VPS8: variants seen among roughly 807,000 people sequenced by gnomAD.
The protein encoded by VPS8 is vacuolar protein sorting-associated protein 8 homolog.
VPS8 carries 129 observed loss-of-function variants against 216.4 expected under a neutral mutation model. That is an observed-to-expected ratio of 0.60 (90% confidence interval 0.52 to 0.69). The LOEUF is 0.69. VPS8 is among the 30% of genes least tolerant of loss of function. VPS8 has a pLI of 0.00. For synonymous variants in VPS8, 571 were observed against 565.4 expected (o/e 1.01, Z -0.14); for missense variants, 1,531 against 1,683.5 (o/e 0.91, Z 1.59).
At chr3:184,881,803 G>T (rs1158972852) in intron 21 of VPS8, among the ~76,000 whole-genome samples, 2 of 151,836 alleles carry the variant, frequency 1.3e-5, no homozygotes, top group Non-Finnish European at 2.9e-5. Flanking sequence ...TAGTATACAG[G>T]TGCTATACAT....
At chr3:184,983,351 C>G (rs1272827427) in intron 42 of VPS8, among the ~76,000 whole-genome samples, 1 of 152,088 alleles carries the variant, frequency 6.6e-6, no homozygotes, top group African/African-American at 2.4e-5. Context: ...TTCCCTGTTG[C>G]CTTGGGATTC....
chr3:184,892,193 A>T (rs1732469576), intron 22 of VPS8, among the ~76,000 whole-genome samples: 1 of 152,130 alleles, frequency 6.6e-6, no homozygotes, highest in Non-Finnish European at 1.5e-5. Context: ...AGAAAAAAAT[A>T]TGAGAGCTAC....
chr3:184,833,867 A>G (rs1176191394), intron 4 of VPS8, among the ~76,000 whole-genome samples: 1 of 152,170 alleles, frequency 6.6e-6, no homozygotes, highest in Non-Finnish European at 1.5e-5. Flanking sequence ...CTTCATTTGC[A>G]TTTATATGGC....
At chr3:184,998,823 G>A (rs1261959982) in intron 44 of VPS8, among the ~76,000 whole-genome samples, 1 of 151,852 alleles carries the variant, frequency 6.6e-6, no homozygotes, top group Non-Finnish European at 1.5e-5. Context: ...CTTGAATTTG[G>A]TGAGCAGACC....
At chr3:185,046,230 T>TG (rs1257134822) in intron 46 of VPS8, among the ~76,000 whole-genome samples, 2 of 152,232 alleles carry the variant, frequency 1.3e-5, no homozygotes, top group African/African-American at 4.8e-5. Flanking sequence ...TGTTCATATT[T>TG]GGTTGCTTCC....
chr3:184,998,144 C>T (rs1307811971), intron 44 of VPS8, among the ~76,000 whole-genome samples: 1 of 152,122 alleles, frequency 6.6e-6, no homozygotes. Flanking sequence ...AAGTCTAACT[C>T]ATTTTTATAA....
chr3:184,936,857 C>T (rs986346189), intron 35 of VPS8, among the ~76,000 whole-genome samples: 7 of 151,968 alleles, frequency 4.6e-5, no homozygotes, highest in Non-Finnish European at 8.8e-5. Context: ...CCTGCCTCAG[C>T]CTCCTGAGTA....
intron 2 of VPS8, among the ~76,000 whole-genome samples, chr3:184,825,911 A>G (rs1560273542): frequency 6.6e-6 from 1 of 152,152 alleles, no homozygotes; most frequent in Non-Finnish European, 1.5e-5. Flanking sequence ...AAAAAAAAAA[A>G]AAAAGTGTTC....
chr3:185,018,991 A>G (rs1756243300), intron 45 of VPS8, among the ~76,000 whole-genome samples: 1 of 152,124 alleles, frequency 6.6e-6, no homozygotes, highest in South Asian at 2.1e-4. Flanking sequence ...GGTACGGATG[A>G]ACCTTATCCT....
At chr3:184,842,712 T>C (rs1298597630) in intron 7 of VPS8, among the ~76,000 whole-genome samples, 2 of 152,176 alleles carry the variant, frequency 1.3e-5, no homozygotes, top group Non-Finnish European at 2.9e-5. Flanking sequence ...GCTATACTTG[T>C]TTAAGTACTG....
Position 184,898,644 on chromosome 3 carries a change from G to T in VPS8, c.2084G>T (p.Ser695Ile), listed in dbSNP as rs771212599. The T allele has an allele frequency of 3.2e-6, 5 of 1,548,954 alleles. No homozygotes were observed. In the South Asian group the frequency reaches 6.0e-5, roughly 19 times the overall value. The change falls in exon 24 of 48, where the codon AGT becomes ATT. Residue 695 changes from serine (S) to isoleucine (I), a missense_variant. This residue lies in a region of VPS8 where 1,318 missense variants were observed against 1,468.4 expected (regional missense o/e 0.90). Transcript: ENST00000625842. ...AACAGAGGCATGAATGAATTTATTA[G>T]TCCAATGGAGGTAAGATACTTCCTA... ...VYNRGMNEFI[S>I]PMEKLFRVIA... is the part of the protein sequence containing the mutation.
chr3:184,957,747 A>G (rs1168788999), intron 37 of VPS8, among the ~76,000 whole-genome samples: 1 of 152,202 alleles, frequency 6.6e-6, no homozygotes, highest in Non-Finnish European at 1.5e-5. Flanking sequence ...GTTCAAAAGT[A>G]TCTTTCTCAA....
At chr3:184,867,072 C>A (rs1727493923) in intron 17 of VPS8, 122 bp downstream of exon 17, 1 of 825,290 alleles carries the variant, frequency 1.2e-6, no homozygotes, top group Non-Finnish European at 1.9e-6. Context: ...TTATCCTAAA[C>A]CCTTTGTGGT....
At chr3:184,848,887 A>T in intron 8 of VPS8, 184 bp from the exon 9 acceptor site, 4 of 526,794 alleles carry the variant, frequency 7.6e-6, no homozygotes, top group Non-Finnish European at 9.5e-6. Context: ...CTGTATTTTT[A>T]AGTGTCTAAT....
intron 2 of VPS8, 97 bp downstream of exon 2, chr3:184,824,882 G>A: frequency 1.7e-6 from 2 of 1,161,148 alleles, no homozygotes; most frequent in Non-Finnish European, 2.4e-6. Context: ...ATTTTTGCAT[G>A]GGTTAATAGG....
chr3:184,921,640 C>G (rs1578251627), intron 29 of VPS8, among the ~76,000 whole-genome samples: 1 of 151,984 alleles, frequency 6.6e-6, no homozygotes, highest in African/African-American at 2.4e-5. Context: ...GTGGCACGAT[C>G]TCAGCTCACT....
At chr3:184,930,265 T>G (rs568489440) in intron 33 of VPS8, among the ~76,000 whole-genome samples, 1 of 152,166 alleles carries the variant, frequency 6.6e-6, no homozygotes, top group African/African-American at 2.4e-5. Context: ...CAAAATTAAT[T>G]AGAACTGATT....
At chr3:184,993,929 T>G (rs1236021164) in intron 42 of VPS8, 54 bp from the exon 43 acceptor site, 15 of 1,370,248 alleles carry the variant, frequency 1.1e-5, no homozygotes, top group South Asian at 1.4e-5. Flanking sequence ...ACTTACATTT[T>G]AAAGTAATTT....
At chr3:184,954,281 A>G (rs1745204930) in intron 36 of VPS8, among the ~76,000 whole-genome samples, 1 of 152,170 alleles carries the variant, frequency 6.6e-6, no homozygotes, top group South Asian at 2.1e-4. Context: ...CCCTGAACTT[A>G]GTCCTTGGGG....
Sources: allele counts gnomAD v4.1 joint callset (sites outside exome capture counted in the v4.1 genomes callset), GRCh38; gene constraint gnomAD v4.1.1; regional missense constraint gnomAD v4.1.1; transcripts MANE v1.5; gene names NCBI Gene and HGNC (gene_info 2026-07-23, HGNC 2026-07-21).